Variants in CACNA1E observed in about 807,000 individuals in gnomAD.
CACNA1E encodes the protein voltage-dependent R-type calcium channel subunit alpha-1E.
A neutral mutation model predicts 259.2 loss-of-function variants in CACNA1E; 40 were observed. That is an observed-to-expected ratio of 0.15 (90% confidence interval 0.12 to 0.20). The LOEUF (loss-of-function observed/expected upper bound fraction) is 0.20. Among genes scored for constraint, CACNA1E ranks in the 10% least tolerant of loss-of-function variants. The pLI is 1.00. For synonymous variants in CACNA1E, 1,104 were observed against 1,138.5 expected (o/e 0.97, Z 0.61); for missense variants, 1,874 against 3,040.1 (o/e 0.62, Z 9.02).
intron 6 of CACNA1E, among the ~76,000 whole-genome samples, chr1:181,586,482 C>T (rs552222376): frequency 3.3e-5 from 5 of 152,084 alleles, no homozygotes; most frequent in African/African-American, 7.2e-5. Flanking sequence ...AAGAGGAAAA[C>T]GGTTATCAGC....
At chr1:181,553,402 G>A (rs1648392342) in intron 3 of CACNA1E, among the ~76,000 whole-genome samples, 1 of 152,124 alleles carries the variant, frequency 6.6e-6, no homozygotes, top group Middle Eastern at 3.2e-3. Context: ...GAGTTTTTGG[G>A]CTGCGATGAT....
chr1:181,398,826 G>A (rs1053533273), intron 1 of CACNA1E, among the ~76,000 whole-genome samples: 2 of 152,152 alleles, frequency 1.3e-5, no homozygotes, highest in Non-Finnish European at 2.9e-5. Flanking sequence ...TTCATCAAGC[G>A]AAAACCAACA....
At chr1:181,766,726 G>A in intron 35 of CACNA1E, 115 bp downstream of exon 35, 1 of 770,980 alleles carries the variant, frequency 1.3e-6, no homozygotes, top group Non-Finnish European at 2.2e-6. Flanking sequence ...TTGCCTAAGG[G>A]TGCTCCCCTG....
intron 7 of CACNA1E, among the ~76,000 whole-genome samples, chr1:181,703,684 A>T (rs559219112): frequency 6.6e-6 from 1 of 152,216 alleles, no homozygotes; most frequent in African/African-American, 2.4e-5. Context: ...CTGAAATGTC[A>T]TGAAGCTGTG....
chr1:181,723,247 G>A (rs374666678), intron 16 of CACNA1E, among the ~76,000 whole-genome samples: 15 of 152,222 alleles, frequency 9.9e-5, no homozygotes, highest in African/African-American at 2.2e-4. Flanking sequence ...ATGGTGTGAC[G>A]CCCATTGGTC....
In CACNA1E at chr1:181,799,831, GT is replaced by G. The variant is rs1270897557; in HGVS notation, c.*998del. On this transcript the variant is annotated 3_prime_UTR_variant, in exon 48 of 48. Coordinates refer to ENST00000367573, the MANE Select transcript of CACNA1E (RefSeq NM_001205293.3). Reference sequence around the variant, plus strand: ...AAAAACAGTCTGTTTTCCAACCAGTGTGGAAGCAATTAAATATGCGTAACAG... The same window carrying G: ...AAAAACAGTCTGTTTTCCAACCAGTGGGAAGCAATTAAATATGCGTAACAG... 6.6e-6 allele frequency: 1 copy of G among 152,268 alleles called. No individual in the cohort carries two copies. The highest frequency in any genetic ancestry group is 1.9e-4 in the East Asian group (1 of 5,182). The allele number at this position is 152,268 out of a possible 1,614,324, so 9.4% of individuals were successfully genotyped here.
At chr1:181,585,720 A>G (rs892063451) in intron 6 of CACNA1E, among the ~76,000 whole-genome samples, 14 of 152,188 alleles carry the variant, frequency 9.2e-5, no homozygotes, top group Non-Finnish European at 1.5e-4. Context: ...GAGTCTCCTG[A>G]GTCCCAGATA....
chr1:181,622,902 T>C (rs977854429), intron 6 of CACNA1E, among the ~76,000 whole-genome samples: 1 of 152,256 alleles, frequency 6.6e-6, no homozygotes, highest in Non-Finnish European at 1.5e-5. Context: ...AGCCCACTTA[T>C]GCTTAGGAGC....
rs1302292653 is a variant in CACNA1E, at chr1:181,803,589, G to C, written c.*4755G>C. 6.6e-6 allele frequency: 1 copy of C among 152,226 alleles called. No homozygotes were observed. Among genetic ancestry groups the C allele is most frequent in the Non-Finnish European group, 1.5e-5 (1 of 68,078 alleles). The allele number at this position is 152,226 out of a possible 1,614,324, so 9.4% of individuals were successfully genotyped here. A position where few individuals can be genotyped will look rare whatever the true frequency, so the allele number is the denominator to read the frequency against. On this transcript the variant is annotated 3_prime_UTR_variant, in exon 48 of 48. Transcript: ENST00000367573. ...CTTCTCTGCTGTCTGTGGAGGGAGG[G>C]CTCGGCTGCAGACCTATGGTGTTTT...
At chr1:181,596,213 C>T (rs1429832474) in intron 6 of CACNA1E, among the ~76,000 whole-genome samples, 1 of 152,144 alleles carries the variant, frequency 6.6e-6, no homozygotes, top group Non-Finnish European at 1.5e-5. Context: ...CAGAGATCCC[C>T]TTTGCTGGGG....
chr1:181,449,125 C>T (rs1348104946), intron 2 of CACNA1E, among the ~76,000 whole-genome samples: 1 of 152,208 alleles, frequency 6.6e-6, no homozygotes, highest in African/African-American at 2.4e-5. Flanking sequence ...TGAAACACCC[C>T]AGCAGTGTGT....
At chr1:181,452,093 G>T (rs1284468468) in intron 2 of CACNA1E, among the ~76,000 whole-genome samples, 1 of 152,258 alleles carries the variant, frequency 6.6e-6, no homozygotes, top group Admixed American at 6.5e-5. Context: ...AGCCCCTATG[G>T]TTAGGGCCGG....
chr1:181,555,166 T>C (rs1252839579), intron 3 of CACNA1E, among the ~76,000 whole-genome samples: 1 of 152,166 alleles, frequency 6.6e-6, no homozygotes, highest in African/African-American at 2.4e-5. Flanking sequence ...TTTAACAGAA[T>C]TTATCCTCCC....
intron 7 of CACNA1E, among the ~76,000 whole-genome samples, chr1:181,704,138 CT>C (rs1424741035): frequency 2.6e-5 from 4 of 152,142 alleles, no homozygotes; most frequent in African/African-American, 9.7e-5. Context: ...CAACCTAAGT[CT>C]CCTTAAATCC....
chr1:181,335,824 T>G (rs1651665938), intron 1 of CACNA1E, among the ~76,000 whole-genome samples: 1 of 152,226 alleles, frequency 6.6e-6, no homozygotes, highest in Non-Finnish European at 1.5e-5. Flanking sequence ...CAGAGGTATC[T>G]GTGAGGCTGA....
intron 44 of CACNA1E, 56 bp from the exon 45 acceptor site, chr1:181,793,609 G>A: frequency 6.3e-7 from 1 of 1,577,586 alleles, no homozygotes; most frequent in Non-Finnish European, 8.6e-7. Context: ...CACTGGACGT[G>A]AGAAGCAATG....
chr1:181,704,805 G>A (rs1159873401), intron 7 of CACNA1E, among the ~76,000 whole-genome samples: 2 of 152,164 alleles, frequency 1.3e-5, no homozygotes, highest in Non-Finnish European at 2.9e-5. Flanking sequence ...GGAGCCGGGA[G>A]GAGAGGTCTG....
At chr1:181,681,056 TCTA>T (rs1649919922) in intron 7 of CACNA1E, among the ~76,000 whole-genome samples, 1 of 152,250 alleles carries the variant, frequency 6.6e-6, no homozygotes, top group Non-Finnish European at 1.5e-5. Flanking sequence ...GTGTGACAGT[TCTA>T]CTGACGTTTC....
In CACNA1E at chr1:181,785,810, T is replaced by C; in HGVS notation, c.5777T>C (p.Val1926Ala). ...KALPYLQQDPVSGLSGRSGYP... is the reference protein window; with the variant it reads ...KALPYLQQDPASGLSGRSGYP... The stretch of plus-strand genomic sequence containing the variant: ...CTGCCTTACCTCCAGCAGGACCCCG[T>C]TTCAGGCCTGTGAGTAGCACCAAAA... Residue 1926 changes from valine to alanine, a missense_variant, in exon 43 of 48, where the codon GTT becomes GCT. Physicochemically the swap from Val to Ala is moderately conservative, Grantham distance 64. Around this residue, in one of 14 missense-constraint regions of CACNA1E, gnomAD observed 542 missense variants for 587.2 expected, o/e 0.92. Coordinates refer to ENST00000367573, the MANE Select transcript of CACNA1E (RefSeq NM_001205293.3). 6.2e-7 allele frequency: 1 copy of C among 1,605,238 alleles called. No individual in the cohort carries two copies.
Sources: gnomAD v4.1 joint callset for allele counts (sites outside exome capture counted in the v4.1 genomes callset) on GRCh38, gnomAD v4.1.1 for gene constraint, gnomAD v4.1.1 regional missense constraint, MANE v1.5 for transcripts, NCBI Gene and HGNC (gene_info 2026-07-23, HGNC 2026-07-21) for gene names.